The following OXR1 variants were observed in gnomAD, a reference collection of about 807,000 sequenced individuals.
The protein encoded by OXR1 is oxidation resistance protein 1.
Under a neutral mutation model 104.6 loss-of-function variants are expected in OXR1, and 41 were observed. That is an observed-to-expected ratio of 0.39 (90% CI 0.31 to 0.51). The LOEUF (loss-of-function observed/expected upper bound fraction) is 0.51. Ranked by LOEUF, OXR1 falls within the 20% of genes least tolerant of loss-of-function variation. OXR1 has a pLI of 0.77. For missense variants in OXR1, 955 were observed against 1,031.9 expected (o/e 0.93, Z 1.02); for synonymous variants, 348 against 348.4 (o/e 1.00, Z 0.01).
intron 2 of OXR1, among the ~76,000 whole-genome samples, chr8:106,485,955 CAG>C (rs1481789232): frequency 7.7e-6 from 1 of 129,396 alleles, no homozygotes; most frequent in Non-Finnish European, 1.6e-5. Flanking sequence ...ACAGCTGGGA[CAG>C]AGGGGGTGGG....
chr8:106,518,057 A>G (rs1812979445), intron 2 of OXR1, among the ~76,000 whole-genome samples: 2 of 152,328 alleles, frequency 1.3e-5, no homozygotes, highest in Non-Finnish European at 2.9e-5. Context: ...CAGGGTCTGC[A>G]AGCAAGGCAG....
intron 11 of OXR1, among the ~76,000 whole-genome samples, chr8:106,723,600 A>G (rs1222410410): frequency 6.6e-6 from 1 of 151,940 alleles, no homozygotes; most frequent in African/African-American, 2.4e-5. Flanking sequence ...TGAACCCAGG[A>G]GGCGGAGGTT....
intron 1 of OXR1, among the ~76,000 whole-genome samples, chr8:106,349,174 GA>G (rs1051245630): frequency 6.6e-6 from 1 of 152,000 alleles, no homozygotes; most frequent in African/African-American, 2.4e-5. Context: ...AAATTAGGGT[GA>G]TTTTTTGATT....
At chr8:106,448,410 G>GT (rs1820120930) in intron 2 of OXR1, among the ~76,000 whole-genome samples, 1 of 152,010 alleles carries the variant, frequency 6.6e-6, no homozygotes, top group South Asian at 2.1e-4. Flanking sequence ...CAGTTTTATT[G>GT]TTTGGTGTAA....
rs1476581559 is a variant in OXR1, at chr8:106,707,247, G to A, written c.1624+102G>A. On this transcript the variant is annotated intron_variant, in intron 9 of 16. Coordinates refer to ENST00000517566, the MANE Select transcript of OXR1 (RefSeq NM_001198533.2). ...CGCTGTACCTTAGGGCAACCTGAAG[G>A]ATAAGTGAGTGACCCTTGACCGGTG... is the stretch of plus-strand genomic sequence containing the variant. 2.1e-6 allele frequency: 2 copies of A among 945,802 alleles called. 1 individual carries two copies. 58.6% of individuals were successfully genotyped at this position (945,802 alleles called of 1,614,324 possible). A position where few individuals can be genotyped will look rare whatever the true frequency, so the allele number is the denominator to read the frequency against.
intron 3 of OXR1, among the ~76,000 whole-genome samples, chr8:106,665,928 G>A (rs565255092): frequency 6.6e-6 from 1 of 151,844 alleles, no homozygotes; most frequent in African/African-American, 2.4e-5. Flanking sequence ...GAGAAACACA[G>A]TTATTCCTTA....
rs894986182 is a variant in OXR1, at chr8:106,658,026, C to T, written c.221-21184C>T. 3 of 1,248,618 alleles carry T rather than the reference C, an allele frequency of 2.4e-6. No homozygotes were observed. The South Asian group carries it at 1.2e-4, about 51-fold the overall frequency. The allele number at this position is 1,248,618 out of a possible 1,614,324, so 77.3% of individuals were successfully genotyped here. On this transcript the variant is annotated intron_variant, in intron 3 of 16. Coordinates refer to ENST00000517566, the MANE Select transcript of OXR1 (RefSeq NM_001198533.2). ...GACGTTCACCGAGAAGAGTGGGCGC[C>T]TTCTGCGGGGCACGGCCAACCGCCT...
At chr8:106,434,428 A>C (rs2130571721) in intron 2 of OXR1, among the ~76,000 whole-genome samples, 1 of 152,320 alleles carries the variant, frequency 6.6e-6, no homozygotes, top group South Asian at 2.1e-4. Context: ...AAACTCATTA[A>C]GGGTTGTAAT....
At chr8:106,560,738 A>T (rs1251526799) in intron 3 of OXR1, among the ~76,000 whole-genome samples, 1 of 152,166 alleles carries the variant, frequency 6.6e-6, no homozygotes, top group Non-Finnish European at 1.5e-5. Flanking sequence ...GAATAGGAAC[A>T]CGTCTGGTCT....
intron 1 of OXR1, among the ~76,000 whole-genome samples, chr8:106,289,363 C>G (rs1214253287): frequency 6.6e-6 from 1 of 152,092 alleles, no homozygotes; most frequent in Non-Finnish European, 1.5e-5. Context: ...TTTGTATACA[C>G]CAATAATGTC....
intron 3 of OXR1, among the ~76,000 whole-genome samples, chr8:106,671,963 TATAATAATAATAATA>T (rs200351866): frequency 1.8e-4 from 25 of 136,428 alleles, no homozygotes; most frequent in African/African-American, 2.7e-4. Context: ...GAACTTAAAG[TATAATAATAATAATA>T]ATAATAATAA....
chr8:106,585,396 T>G (rs1415024118), intron 3 of OXR1, among the ~76,000 whole-genome samples: 1 of 152,166 alleles, frequency 6.6e-6, no homozygotes, highest in African/African-American at 2.4e-5. Flanking sequence ...TCAGGCAACT[T>G]TAGTCTAAAC....
At chr8:106,710,516 G>A in intron 9 of OXR1, 106 bp from the exon 10 acceptor site, 2 of 653,982 alleles carry the variant, frequency 3.1e-6, no homozygotes, top group Non-Finnish European at 4.8e-6. Flanking sequence ...CTAAAGTGAG[G>A]TTTTATTCTG....
chr8:106,643,486 T>A (rs371879377), intron 3 of OXR1, among the ~76,000 whole-genome samples: 2 of 152,146 alleles, frequency 1.3e-5, no homozygotes, highest in East Asian at 3.9e-4. Flanking sequence ...AATACATACA[T>A]CATGTCCTTT....
chr8:106,524,474 T>C (rs1813504622), intron 3 of OXR1, among the ~76,000 whole-genome samples: 2 of 152,200 alleles, frequency 1.3e-5, no homozygotes, highest in Admixed American at 1.3e-4. Context: ...CTGATGTTTT[T>C]CTATATGGAG....
chr8:106,402,565 T>A (rs561735386), intron 2 of OXR1, among the ~76,000 whole-genome samples: 48 of 152,328 alleles, frequency 3.2e-4, no homozygotes, highest in East Asian at 2.5e-3. Flanking sequence ...CATAAGCCAC[T>A]ACTTTGGTGA....
intron 3 of OXR1, among the ~76,000 whole-genome samples, chr8:106,649,832 G>T (rs892020746): frequency 6.6e-6 from 1 of 151,866 alleles, no homozygotes; most frequent in Non-Finnish European, 1.5e-5. Flanking sequence ...AAATAGCTGG[G>T]ACTACAGGCA....
Position 106,675,989 on chromosome 8 carries a change from A to G in OXR1, c.221-3221A>G, listed in dbSNP as rs546306325. Among the ~76,000 whole-genome samples, 6 of 152,244 alleles carry G rather than the reference A, an allele frequency of 3.9e-5. No individual in the cohort carries two copies. In the South Asian group the frequency reaches 8.3e-4, roughly 21 times the overall value. Reference sequence around the variant, plus strand: ...GTGCTCCTGTGTTGTGTGCATATATATATCTAGGATAGTTAGATCTTACGA... The same window carrying G: ...GTGCTCCTGTGTTGTGTGCATATATGTATCTAGGATAGTTAGATCTTACGA... On this transcript the variant is annotated intron_variant, in intron 3 of 16. Transcript: ENST00000517566.
At chr8:106,637,664 C>T (rs1823257370) in intron 3 of OXR1, among the ~76,000 whole-genome samples, 1 of 151,952 alleles carries the variant, frequency 6.6e-6, no homozygotes, top group Non-Finnish European at 1.5e-5. Flanking sequence ...TTTTGTCTTG[C>T]TACCAGCTTT....
Sources: gnomAD v4.1 joint callset for allele counts (sites outside exome capture counted in the v4.1 genomes callset) on GRCh38, gnomAD v4.1.1 for gene constraint, MANE v1.5 for transcripts, NCBI Gene and HGNC (gene_info 2026-07-23, HGNC 2026-07-21) for gene names.